PTPRO: variants seen among roughly 807,000 people sequenced by gnomAD.
PTPRO encodes the protein receptor-type tyrosine-protein phosphatase O.
A neutral mutation model predicts 145.2 loss-of-function variants in PTPRO; 62 were observed. The ratio of observed to expected loss-of-function variants is 0.43; its 90% CI spans 0.35 to 0.53. The LOEUF is 0.53. Ranked by LOEUF, PTPRO falls within the 20% of genes least tolerant of loss-of-function variation. The pLI, the probability that PTPRO is intolerant of heterozygous loss-of-function variation, is 0.01. For synonymous variants in PTPRO, 565 were observed against 514.7 expected (o/e 1.10, Z -1.32); for missense variants, 1,345 against 1,482.7 (o/e 0.91, Z 1.53).
Position 15,581,679 on chromosome 12 carries a change from G to C in PTPRO, c.3133G>C (p.Val1045Leu). The change falls in exon 23 of 27, where the codon GTG becomes CTG. Residue 1045 changes from valine to leucine, a missense_variant and splice_region_variant. Coordinates refer to ENST00000281171, the MANE Select transcript of PTPRO (RefSeq NM_030667.3). Reference protein sequence around the residue: ...MLTQCNEKRRVKCDHYWPFTE... With the variant: ...MLTQCNEKRRLKCDHYWPFTE... Reference sequence around the variant, plus strand: ...AAAAATTGTTTTGTCCTTGCTCCAGGTGAAATGTGACCATTACTGGCCATT... The same window carrying C: ...AAAAATTGTTTTGTCCTTGCTCCAGCTGAAATGTGACCATTACTGGCCATT... The C allele has an allele frequency of 6.2e-7, 1 of 1,613,812 alleles. No individual in the cohort carries two copies. The highest frequency in any genetic ancestry group is 8.5e-7 in the Non-Finnish European group (1 of 1,179,830).
At chr12:15,525,069 C>A in intron 11 of PTPRO, 104 bp downstream of exon 11, 1 of 1,366,460 alleles carries the variant, frequency 7.3e-7, no homozygotes, top group Non-Finnish European at 1.0e-6. Flanking sequence ...TGTTTGCATA[C>A]CAGTTGTCTG....
intron 1 of PTPRO, among the ~76,000 whole-genome samples, chr12:15,417,982 G>C (rs537774105): frequency 2.6e-5 from 4 of 151,806 alleles, no homozygotes; most frequent in Non-Finnish European, 4.4e-5. Context: ...TTTGTTACTT[G>C]TCTGTCATAA....
At chr12:15,456,813 C>T (rs1941189453) in intron 1 of PTPRO, among the ~76,000 whole-genome samples, 1 of 152,026 alleles carries the variant, frequency 6.6e-6, no homozygotes, top group African/African-American at 2.4e-5. Context: ...AATGTCTCTG[C>T]TTCTGTTTTC....
At position 15,515,987 on chromosome 12, in the gene PTPRO, G is replaced by GTTTTTTTTTTTTTT. The variant is rs1387922121; in HGVS notation, c.1585+373_1585+374insTTTTTTTTTTTTTT. Among the ~76,000 whole-genome samples, 15 of 80,662 alleles carry GTTTTTTTTTTTTTT rather than the reference G, an allele frequency of 1.9e-4. 2 individuals are homozygous for GTTTTTTTTTTTTTT. Among genetic ancestry groups the GTTTTTTTTTTTTTT allele is most frequent in the African/African-American group, 2.2e-4 (4 of 18,506 alleles). The allele number at this position is 80,662 out of a possible 152,430, so 52.9% of individuals were successfully genotyped here. On this transcript the variant is annotated intron_variant, in intron 8 of 26. Transcript: ENST00000281171. The stretch of plus-strand genomic sequence containing the variant: ...GTTTTGTTTGTCTGGTTTTTTTTTT[G>GTTTTTTTTTTTTTT]TTTTGTTTTTTTTTTTTTTTGGAGA...
chr12:15,360,889 T>TGTGTGTATACACACACATATATACACAC (rs1565585711), intron 1 of PTPRO, among the ~76,000 whole-genome samples: 1 of 99,764 alleles, frequency 1.0e-5, no homozygotes, highest in African/African-American at 3.4e-5. Context: ...CACATACACA[T>TGTGTGTATACACACACATATATACACAC]GTGTATATAC....
chr12:15,322,683 G>A lies in PTPRO; in HGVS notation c.-44G>A. On this transcript the variant is annotated 5_prime_UTR_variant, in exon 1 of 27. Transcript: ENST00000281171. The surrounding 1 kb of genome is among the most constrained non-coding windows in gnomAD (Gnocchi z 6.3). ...GCCATTGTGAGCCGCCGCCGGGGGA[G>A]TCCGCTAGCGCAGCCGTGCCCCCGA... 1 of 1,550,116 alleles carries A rather than the reference G, an allele frequency of 6.5e-7. No homozygotes were observed. Among genetic ancestry groups the A allele is most frequent in the East Asian group, 2.3e-5 (1 of 43,160 alleles).
intron 7 of PTPRO, among the ~76,000 whole-genome samples, chr12:15,512,089 A>C (rs1052066113): frequency 6.7e-6 from 1 of 148,558 alleles, no homozygotes; most frequent in Admixed American, 6.8e-5. Context: ...TTAAGTTTAA[A>C]TGGAGCAATG....
rs771782428 is a variant in PTPRO at position 15,359,422 on chromosome 12, C to CTTTT, written c.75+36638_75+36641dup. Among the ~76,000 whole-genome samples the CTTTT allele has an allele frequency of 5.3e-3, 597 of 112,496 alleles. 30 individuals are homozygous for CTTTT. The highest frequency in any genetic ancestry group is 0.019 in the African/African-American group (557 of 29,832). The allele number at this position is 112,496 out of a possible 152,430, so 73.8% of individuals were successfully genotyped here. A position where few individuals can be genotyped will look rare whatever the true frequency, so the allele number is the denominator to read the frequency against. On this transcript the variant is annotated intron_variant, in intron 1 of 26. Transcript: ENST00000281171. ...ATTGGTCTACTTTTCTTTCTCTTTC[C>CTTTT]TTTTTTTTTTTTTTTTTTTTGAGAT...
chr12:15,570,952 A>T, intron 19 of PTPRO, among the ~76,000 whole-genome samples: 1 of 152,372 alleles, frequency 6.6e-6, no homozygotes, highest in South Asian at 2.1e-4. Flanking sequence ...AAATTCAACA[A>T]GTCATTTTCC....
intron 1 of PTPRO, among the ~76,000 whole-genome samples, chr12:15,343,950 C>T (rs1867104826): frequency 6.6e-6 from 1 of 152,194 alleles, no homozygotes; most frequent in African/African-American, 2.4e-5. Context: ...TCCCAAAGTG[C>T]TGGGATTACA....
At chr12:15,355,030 T>G (rs147496101) in intron 1 of PTPRO, among the ~76,000 whole-genome samples, 1 of 152,250 alleles carries the variant, frequency 6.6e-6, no homozygotes, top group Non-Finnish European at 1.5e-5. Flanking sequence ...TTTTTGAAAT[T>G]TTGAGTAGTA....
intron 1 of PTPRO, among the ~76,000 whole-genome samples, chr12:15,360,262 TA>T (rs1376951144): frequency 1.3e-5 from 2 of 152,156 alleles, no homozygotes; most frequent in African/African-American, 4.8e-5. Context: ...TCTTAGCACC[TA>T]AAGCTGTGTC....
In PTPRO at chr12:15,561,741, C is replaced by T. The variant is rs929515268; in HGVS notation, c.2711+1465C>T. On this transcript the variant is annotated intron_variant, in intron 17 of 26. Transcript: ENST00000281171. ...TAATCATCCTCAAATAGTGTGCCTA[C>T]CATTAAAATACTAACAGCAAATACC... 3.3e-5 allele frequency among the ~76,000 whole-genome samples: 5 copies of T among 152,060 alleles called. No homozygotes were observed. The East Asian group carries it at 9.6e-4, about 29-fold the overall frequency.
intron 1 of PTPRO, among the ~76,000 whole-genome samples, chr12:15,396,481 TC>T (rs1939343260): frequency 6.6e-6 from 1 of 152,144 alleles, no homozygotes; most frequent in Non-Finnish European, 1.5e-5. Context: ...AAAAAATTGC[TC>T]TAACTCAGCC....
intron 1 of PTPRO, among the ~76,000 whole-genome samples, chr12:15,325,122 A>G (rs989390725): frequency 9.9e-5 from 15 of 152,242 alleles, no homozygotes; most frequent in African/African-American, 3.6e-4. Flanking sequence ...AATAATTTCC[A>G]TAGTTTTCAC....
At chr12:15,409,944 T>G (rs1364679292) in intron 1 of PTPRO, among the ~76,000 whole-genome samples, 1 of 152,188 alleles carries the variant, frequency 6.6e-6, no homozygotes, top group Non-Finnish European at 1.5e-5. Flanking sequence ...GGAACACAGA[T>G]GCAAACTATG....
intron 1 of PTPRO, among the ~76,000 whole-genome samples, chr12:15,459,533 A>G (rs147316718): frequency 2.7e-4 from 41 of 152,356 alleles, no homozygotes; most frequent in Admixed American, 2.5e-3. Flanking sequence ...AAAGTTTCCT[A>G]TCAGCTTCAG....
chr12:15,580,235 C>A, intron 21 of PTPRO, 120 bp downstream of exon 21: 7 of 790,614 alleles, frequency 8.9e-6, no homozygotes, highest in Non-Finnish European at 1.5e-5. Flanking sequence ...CAATTGAATT[C>A]TAAAAAGTTT....
In PTPRO at chr12:15,360,935, T is replaced by C. The variant is rs532969433; in HGVS notation, c.75+38134T>C. Among the ~76,000 whole-genome samples the C allele has an allele frequency of 2.3e-3, 328 of 144,636 alleles. 3 individuals carry two copies. Among genetic ancestry groups the C allele is most frequent in the African/African-American group, 7.6e-3 (300 of 39,694 alleles). The allele number at this position is 144,636 out of a possible 152,430, so 94.9% of individuals were successfully genotyped here. A position where few individuals can be genotyped will look rare whatever the true frequency, so the allele number is the denominator to read the frequency against. On this transcript the variant is annotated intron_variant, in intron 1 of 26. Coordinates refer to ENST00000281171, the MANE Select transcript of PTPRO (RefSeq NM_030667.3). ...ATACACACATGTATATACACACACA[T>C]ATATACACACGTGTATATACACACA...
Sources: allele counts gnomAD v4.1 joint callset (sites outside exome capture counted in the v4.1 genomes callset), GRCh38; gene constraint gnomAD v4.1.1; non-coding constraint Gnocchi (gnomAD v3.1); transcripts MANE v1.5; gene names NCBI Gene and HGNC (gene_info 2026-07-23, HGNC 2026-07-21).